The following KMT2C variants were observed in gnomAD, a reference collection of about 807,000 sequenced individuals.
KMT2C encodes histone-lysine N-methyltransferase 2C.
Under a neutral mutation model 507.9 loss-of-function variants are expected in KMT2C, and 88 were observed. The ratio of observed to expected loss-of-function variants is 0.17; its 90% CI spans 0.15 to 0.21. The LOEUF (loss-of-function observed/expected upper bound fraction) is 0.21, where lower values mean the gene tolerates loss of function less well. KMT2C is among the 10% of genes least tolerant of loss of function. KMT2C has a pLI of 1.00. For synonymous variants in KMT2C, 2,049 were observed against 2,080.8 expected, an observed-to-expected ratio of 0.98 and a Z score of 0.42; for missense variants, 4,954 against 5,957.8, an observed-to-expected ratio of 0.83 and a Z score of 5.55.
Position 152,149,062 on chromosome 7 carries a change from C to T in KMT2C, c.12865G>A (p.Val4289Met), listed in dbSNP as rs2091390429. Reference protein sequence around the residue: ...QYSNNISTLDVHCLPQLPEKA... With the variant: ...QYSNNISTLDMHCLPQLPEKA... ...TCTGGGAGCTGGGGGAGACAGTGCA[C>T]ATCCAAAGTGGAGATGTTGTTGCTG... is the stretch of plus-strand genomic sequence containing the variant. Residue 4289 changes from valine to methionine, a missense_variant, in exon 52 of 59, where the codon GTG becomes ATG. Val to Met is a conservative substitution (Grantham distance 21). This residue lies in a region of KMT2C where 417 missense variants were observed against 461.1 expected (regional missense o/e 0.90). Transcript: ENST00000262189. 1 of 1,525,472 alleles carries T rather than the reference C, an allele frequency of 6.6e-7. No individual in the cohort carries two copies. The highest frequency in any genetic ancestry group is 8.8e-7 in the Non-Finnish European group (1 of 1,140,810). The allele number at this position is 1,525,472 out of a possible 1,614,324, so 94.5% of individuals were successfully genotyped here.
In KMT2C at chr7:152,136,518, A is replaced by T; in HGVS notation, c.*314T>A. 1 of 317,138 alleles carries T rather than the reference A, an allele frequency of 3.2e-6. No homozygotes were observed. The highest frequency in any genetic ancestry group is 5.1e-5 in the East Asian group (1 of 19,462). The allele number at this position is 317,138 out of a possible 1,614,324, so 19.6% of individuals were successfully genotyped here. ...GTGAGACTAGAAAACCAAAACAATG[A>T]AACCCACCCACAAGGGAAAAACAAA... On this transcript the variant is annotated 3_prime_UTR_variant, in exon 59 of 59. Transcript: ENST00000262189.
chr7:152,384,738 A>G (rs372791421), intron 1 of KMT2C, among the ~76,000 whole-genome samples: 1 of 147,744 alleles, frequency 6.8e-6, no homozygotes, highest in South Asian at 2.1e-4. Context: ...TATTAATCAC[A>G]GCTGGAAAAT....
intron 6 of KMT2C, among the ~76,000 whole-genome samples, chr7:152,297,047 A>AGACAGAGAGAGAGAGAG (rs1563766837): frequency 2.9e-5 from 2 of 68,930 alleles, no homozygotes; most frequent in Non-Finnish European, 6.2e-5. Context: ...GAAAGAAAGA[A>AGACAGAGAGAGAGAGAG]AGAAAGACAG....
intron 1 of KMT2C, among the ~76,000 whole-genome samples, chr7:152,379,229 C>T (rs1196104770): frequency 6.6e-6 from 1 of 152,092 alleles, no homozygotes; most frequent in African/African-American, 2.4e-5. Context: ...TTCCAAAACA[C>T]TGTGCAGATA....
intron 6 of KMT2C, among the ~76,000 whole-genome samples, chr7:152,304,004 A>AG (rs932415820): frequency 3.7e-4 from 56 of 152,134 alleles, no homozygotes; most frequent in Admixed American, 1.4e-3. Flanking sequence ...ACAAAAAAAA[A>AG]GAGAGAGAAG....
rs117223681 is a variant in KMT2C, at chr7:152,293,317, T to C, written c.849+16649A>G. 3.0e-3 allele frequency among the ~76,000 whole-genome samples: 451 copies of C among 152,292 alleles called. 13 individuals carry two copies. In the East Asian group the frequency reaches 0.074, roughly 25 times the overall value. ...ACATGATACACAAATCAATTTCAAATAGATAAAACACACAATAGTGCACAA... is the reference window on the plus strand; with the variant it reads ...ACATGATACACAAATCAATTTCAAACAGATAAAACACACAATAGTGCACAA... On this transcript the variant is annotated intron_variant, in intron 6 of 58. Transcript: ENST00000262189.
intron 18 of KMT2C, among the ~76,000 whole-genome samples, chr7:152,229,563 A>G (rs1013433581): frequency 3.3e-5 from 5 of 152,202 alleles, no homozygotes; most frequent in African/African-American, 1.2e-4. Flanking sequence ...TGCGGGAAAG[A>G]ACAGAATGGG....
At chr7:152,350,897 CA>C (rs577857143) in intron 2 of KMT2C, among the ~76,000 whole-genome samples, 1 of 151,942 alleles carries the variant, frequency 6.6e-6, no homozygotes, top group African/African-American at 2.4e-5. Flanking sequence ...TACAGCTATA[CA>C]AAAAAAATCT....
chr7:152,257,904 G>A (rs2095688628), intron 9 of KMT2C, among the ~76,000 whole-genome samples: 1 of 151,814 alleles, frequency 6.6e-6, no homozygotes, highest in African/African-American at 2.4e-5. Context: ...ACCTCATAAT[G>A]TTTTAAGAAA....
At position 152,252,549 on chromosome 7, in the gene KMT2C, T is replaced by C; in HGVS notation, c.1466A>G (p.Lys489Arg). 6 of 1,611,266 alleles carry C rather than the reference T, an allele frequency of 3.7e-6. No homozygotes were observed. The highest frequency in any genetic ancestry group is 5.1e-6 in the Non-Finnish European group (6 of 1,178,054). Residue 489 changes from lysine (K) to arginine (R), a missense_variant, in exon 10 of 59, where the codon AAA becomes AGA. Physicochemically the swap from Lys to Arg is conservative, Grantham distance 26 (BLOSUM62 2). This residue lies in a region of KMT2C where 376 missense variants were observed against 352.4 expected (regional missense o/e 1.07). Coordinates refer to ENST00000262189, the MANE Select transcript of KMT2C (RefSeq NM_170606.3). ...AATAGAATAACTATCTTCTTACCTT[T>C]TGCACATATTACAATGAAGCATGTC... Reference protein sequence around the residue: ...QKDMLHCNMCKRWVHLECDKP... With the variant: ...QKDMLHCNMCRRWVHLECDKP...
intron 6 of KMT2C, among the ~76,000 whole-genome samples, chr7:152,290,294 ATTTTTTTTTTTTTTT>A (rs869073980): frequency 1.4e-4 from 3 of 21,412 alleles, no homozygotes; most frequent in African/African-American, 5.4e-4. Flanking sequence ...ATATATATAT[ATTTTTTTTTTTTTTT>A]TTTTTTTTTT....
Position 152,148,784 on chromosome 7 carries a change from T to C in KMT2C, c.13143A>G (p.Glu4381=), listed in dbSNP as rs763456325. 3.6e-5 allele frequency: 58 copies of C among 1,614,124 alleles called. No individual in the cohort carries two copies. The highest frequency in any genetic ancestry group is 1.6e-4 in the Middle Eastern group (1 of 6,084). ...FKPPCEDEID[E]FLKKLGTSLK... ...GGGAAGTGCCCAATTTCTTTAGAAATTCATCTATTTCATCCTCACAAGGTG... is the reference window on the plus strand; with the variant it reads ...GGGAAGTGCCCAATTTCTTTAGAAACTCATCTATTTCATCCTCACAAGGTG... The change falls in exon 52 of 59, where the codon GAA becomes GAG. Residue 4381 remains glutamate, a synonymous_variant. Coordinates refer to ENST00000262189, the MANE Select transcript of KMT2C (RefSeq NM_170606.3). The surrounding 1 kb of genome is among the most constrained non-coding windows in gnomAD (Gnocchi z 7.1).
intron 1 of KMT2C, among the ~76,000 whole-genome samples, chr7:152,399,076 A>C (rs1009934721): frequency 2.0e-5 from 3 of 151,620 alleles, no homozygotes; most frequent in African/African-American, 7.3e-5. Context: ...CGATCCACCC[A>C]CCTTGGCTTC....
intron 1 of KMT2C, among the ~76,000 whole-genome samples, chr7:152,406,933 G>GAGAAGACAGTTGAAGGGGACTGCTGT (rs377681561): frequency 0.13 from 19,187 of 149,376 alleles, no homozygotes; most frequent in African/African-American, 0.22. Context: ...TCTTGGGAAG[G>GAGAAGACAGTTGAAGGGGACTGCTGT]AGTATTAAGG....
intron 9 of KMT2C, among the ~76,000 whole-genome samples, chr7:152,254,247 CT>C (rs1258633202): frequency 6.6e-6 from 1 of 151,412 alleles, no homozygotes; most frequent in Admixed American, 6.6e-5. Flanking sequence ...GAGACCCCAT[CT>C]TTTGAAATAC....
chr7:152,364,609 C>CA lies in KMT2C; in HGVS notation c.162-5935dup, dbSNP rs568794506. Among the ~76,000 whole-genome samples the CA allele has an allele frequency of 2.5e-3, 225 of 90,656 alleles. 4 individuals carry two copies. The highest frequency in any genetic ancestry group is 0.02 in the East Asian group (65 of 3,226). The allele number at this position is 90,656 out of a possible 152,430, so 59.5% of individuals were successfully genotyped here. On this transcript the variant is annotated intron_variant, in intron 1 of 58. Coordinates refer to ENST00000262189, the MANE Select transcript of KMT2C (RefSeq NM_170606.3). ...GGGTGACAGAGCGAGACTCCGTCTC[C>CA]AAAAAAAAAAAGAAAAGAAAAAAAG...
At chr7:152,245,866 T>C (rs898680945) in intron 14 of KMT2C, among the ~76,000 whole-genome samples, 7 of 152,134 alleles carry the variant, frequency 4.6e-5, no homozygotes, top group Non-Finnish European at 1.0e-4. Flanking sequence ...AAAATGCCAG[T>C]GATGTTAACA....
chr7:152,230,126 G>C (rs1157936663), intron 17 of KMT2C, 94 bp downstream of exon 17: 6 of 985,396 alleles, frequency 6.1e-6, no homozygotes, highest in East Asian at 2.4e-5. Context: ...TAGCTCTATA[G>C]CTAAATATTG....
chr7:152,266,022 T>C (rs1192020861), intron 7 of KMT2C, among the ~76,000 whole-genome samples: 1 of 152,292 alleles, frequency 6.6e-6, no homozygotes, highest in Non-Finnish European at 1.5e-5. Flanking sequence ...AATAATGTAT[T>C]CTAAAATCAT....
Sources: gnomAD v4.1 joint callset for allele counts (sites outside exome capture counted in the v4.1 genomes callset) on GRCh38, gnomAD v4.1.1 for gene constraint, gnomAD v4.1.1 regional missense constraint, Gnocchi (gnomAD v3.1) non-coding constraint, MANE v1.5 for transcripts, NCBI Gene and HGNC (gene_info 2026-07-23, HGNC 2026-07-21) for gene names.